Variants in DCDC2 observed in about 807,000 individuals in gnomAD.
DCDC2 encodes the protein doublecortin domain containing 2, also known as doublecortin domain-containing protein 2.
DCDC2 carries 40 observed loss-of-function variants against 50.2 expected under a neutral mutation model. That is an observed-to-expected ratio of 0.80 (90% CI 0.62 to 1.04). The LOEUF is 1.04. Ranked by LOEUF, DCDC2 falls within the 50% of genes least tolerant of loss-of-function variation. The pLI, the probability that DCDC2 is intolerant of heterozygous loss-of-function variation, is 0.00. For missense variants in DCDC2, 570 were observed against 581.9 expected, an observed-to-expected ratio of 0.98 and a Z score of 0.21; for synonymous variants, 234 against 210.6, an observed-to-expected ratio of 1.11 and a Z score of -0.96.
chr6:24,255,686 A>T (rs1344237909), intron 7 of DCDC2, among the ~76,000 whole-genome samples: 3 of 152,162 alleles, frequency 2.0e-5, no homozygotes, highest in Non-Finnish European at 4.4e-5. Context: ...TACATGAAAA[A>T]GTATTCAAAT....
rs1760495840 is a variant in DCDC2, at chr6:24,357,517, G to T, written c.234C>A (p.Asp78Glu). Residue 78 changes from aspartate (D) to glutamate (E), a missense_variant, in exon 1 of 10, where the codon GAC (aspartate) becomes GAA (glutamate). Physicochemically the swap from Asp to Glu is conservative, Grantham distance 45. Transcript: ENST00000378454. The stretch of plus-strand genomic sequence containing the variant: ...CGTAATTGCCCCCGCTCTGGATCTG[G>T]TCTAGCTTCCGGATTCGGTGGCCAG... ...PRTGHRIRKL[D>E]QIQSGGNYVA... is the part of the protein sequence containing the mutation. 1 of 1,613,450 alleles carries T rather than the reference G, an allele frequency of 6.2e-7. No homozygotes were observed. Among genetic ancestry groups the T allele is most frequent in the Admixed American group, 1.7e-5 (1 of 60,010 alleles).
chr6:24,373,095 G>C, the DCDC2 span, among the ~76,000 whole-genome samples: 2 of 152,138 alleles, frequency 1.3e-5, no homozygotes, highest in African/African-American at 2.4e-5. Context: ...AACAAACCTA[G>C]TTCATCAAGA....
intron 6 of DCDC2, among the ~76,000 whole-genome samples, chr6:24,280,265 C>CT (rs1445493504): frequency 2.0e-5 from 3 of 152,078 alleles, no homozygotes; most frequent in Non-Finnish European, 4.4e-5. Context: ...AGTATGAAAA[C>CT]TTGTCCAAAT....
At chr6:24,301,420 T>C (rs1272107550) in intron 4 of DCDC2, among the ~76,000 whole-genome samples, 1 of 118,046 alleles carries the variant, frequency 8.5e-6, no homozygotes, top group East Asian at 2.4e-4. Flanking sequence ...TTTCAAAAAA[T>C]CCTTCTCAAC....
At chr6:24,243,891 C>T (rs772888109) in intron 7 of DCDC2, among the ~76,000 whole-genome samples, 6 of 152,198 alleles carry the variant, frequency 3.9e-5, no homozygotes, top group Non-Finnish European at 5.9e-5. Flanking sequence ...TGAGGGTCTA[C>T]AGATAAAACA....
At chr6:24,360,643 A>T (rs1193279711), upstream of DCDC2, among the ~76,000 whole-genome samples, 1 of 152,180 alleles carries the variant, frequency 6.6e-6, no homozygotes, top group African/African-American at 2.4e-5. Flanking sequence ...ATGTTTAAAG[A>T]GTTGAAATTT....
intron 1 of DCDC2, among the ~76,000 whole-genome samples, chr6:24,355,145 G>A (rs1416132621): frequency 6.6e-6 from 1 of 152,150 alleles, no homozygotes; most frequent in Non-Finnish European, 1.5e-5. Context: ...TCATCTGTCA[G>A]CATGGAAACC....
rs566917433 is a variant in DCDC2 at position 24,172,084 on chromosome 6, C to T, written c.*2646G>A. The T allele has an allele frequency of 8.5e-5, 13 of 152,250 alleles. No individual in the cohort carries two copies. The East Asian group carries it at 1.2e-3, about 14-fold the overall frequency. 9.4% of individuals were successfully genotyped at this position (152,250 alleles called of 1,614,324 possible). A position where few individuals can be genotyped will look rare whatever the true frequency, so the allele number is the denominator to read the frequency against. On this transcript the variant is annotated 3_prime_UTR_variant, in exon 10 of 10. Transcript: ENST00000378454. Reference sequence around the variant, plus strand: ...TTTAATTTGGAGAGCCAGTCTGCCACGGAGACCACCATTCTCCACAGAGAA... The same window carrying T: ...TTTAATTTGGAGAGCCAGTCTGCCATGGAGACCACCATTCTCCACAGAGAA...
chr6:24,382,567 T>C, the DCDC2 span, among the ~76,000 whole-genome samples: 3 of 152,206 alleles, frequency 2.0e-5, no homozygotes, highest in Admixed American at 1.3e-4. Context: ...TGGTTTTTTG[T>C]TGTTACTTTT....
chr6:24,220,939 G>A (rs79531190), intron 7 of DCDC2, among the ~76,000 whole-genome samples: 357 of 19,140 alleles, frequency 0.019, 9 homozygotes, highest in East Asian at 0.04. Flanking sequence ...CACATGCAGG[G>A]GAAATGGTCA....
chr6:24,244,985 A>G (rs1017253023), intron 7 of DCDC2, among the ~76,000 whole-genome samples: 2 of 152,186 alleles, frequency 1.3e-5, no homozygotes, highest in African/African-American at 4.8e-5. Context: ...ACTCAAAGCC[A>G]GGAGTTCAAG....
chr6:24,176,092 A>T (rs749178234), intron 9 of DCDC2, among the ~76,000 whole-genome samples: 1 of 152,054 alleles, frequency 6.6e-6, no homozygotes, highest in Admixed American at 6.5e-5. Flanking sequence ...CAGGAGTTAA[A>T]AACCAGCCTG....
intron 7 of DCDC2, among the ~76,000 whole-genome samples, chr6:24,213,596 A>G (rs998990371): frequency 1.3e-5 from 2 of 152,200 alleles, no homozygotes; most frequent in African/African-American, 4.8e-5. Flanking sequence ...TGTGAACTAC[A>G]TTCACATGTG....
the DCDC2 span, among the ~76,000 whole-genome samples, chr6:24,368,907 G>A: frequency 3.9e-5 from 6 of 152,178 alleles, no homozygotes; most frequent in Non-Finnish European, 7.4e-5. Flanking sequence ...GCTGAGGCGG[G>A]CGGATCATTT....
the DCDC2 span, among the ~76,000 whole-genome samples, chr6:24,381,935 AAAGAAAG>A: frequency 1.5e-4 from 22 of 141,988 alleles, no homozygotes; most frequent in South Asian, 1.6e-3. Flanking sequence ...AGAAAGAAAG[AAAGAAAG>A]AAGAAGAAGG....
chr6:24,320,441 A>G (rs1373566754), intron 2 of DCDC2, among the ~76,000 whole-genome samples: 1 of 152,032 alleles, frequency 6.6e-6, no homozygotes, highest in Non-Finnish European at 1.5e-5. Context: ...GAGCAATTCT[A>G]CTGCCTCAGC....
intron 2 of DCDC2, among the ~76,000 whole-genome samples, chr6:24,326,492 A>C (rs1759871186): frequency 1.3e-5 from 2 of 149,224 alleles, no homozygotes; most frequent in Non-Finnish European, 1.5e-5. Context: ...AACTATAAAG[A>C]GAGCAGATAT....
At chr6:24,227,024 A>G (rs559815413) in intron 7 of DCDC2, among the ~76,000 whole-genome samples, 3 of 152,328 alleles carry the variant, frequency 2.0e-5, no homozygotes, top group Non-Finnish European at 4.4e-5. Context: ...TAAATCTTAG[A>G]ACATGACACA....
chr6:24,201,049 A>G (rs1005949841), intron 8 of DCDC2, among the ~76,000 whole-genome samples: 16 of 152,160 alleles, frequency 1.1e-4, no homozygotes, highest in African/African-American at 3.6e-4. Context: ...CCCACACAAA[A>G]TTAGTGGGAG....
Sources: gnomAD v4.1 joint callset for allele counts (sites outside exome capture counted in the v4.1 genomes callset) on GRCh38, gnomAD v4.1.1 for gene constraint, MANE v1.5 for transcripts, NCBI Gene and HGNC (gene_info 2026-07-23, HGNC 2026-07-21) for gene names.